CNTNAP1: variants seen among roughly 807,000 people sequenced by gnomAD.
CNTNAP1 encodes contactin associated protein 1.
In CNTNAP1, 80 loss-of-function variants were observed where a neutral mutation model predicts 161.5. The observed-to-expected ratio is 0.50, with a 90% confidence interval of 0.41 to 0.60. CNTNAP1 has a LOEUF of 0.60. Among genes scored for constraint, CNTNAP1 ranks in the 20% least tolerant of loss-of-function variants. The pLI is 0.00. For missense variants in CNTNAP1, 1,464 were observed against 1,854.8 expected, an observed-to-expected ratio of 0.79 and a Z score of 3.87; for synonymous variants, 695 against 733.1, an observed-to-expected ratio of 0.95 and a Z score of 0.84.
intron 18 of CNTNAP1, among the ~76,000 whole-genome samples, chr17:42,694,117 C>G (rs1329359854): frequency 6.6e-6 from 1 of 151,646 alleles, no homozygotes; most frequent in East Asian, 1.9e-4. Flanking sequence ...CCTCAGACTC[C>G]CAAAGTGCTG....
chr17:42,683,171 T>G (rs1314159268), intron 1 of CNTNAP1: 1 of 579,074 alleles, frequency 1.7e-6, no homozygotes, highest in Admixed American at 3.3e-5. Flanking sequence ...TGCCTGGGTT[T>G]GAGGCTAGGG....
intron 18 of CNTNAP1, among the ~76,000 whole-genome samples, chr17:42,694,058 A>C (rs1001304871): frequency 3.3e-5 from 5 of 151,862 alleles, no homozygotes; most frequent in African/African-American, 1.2e-4. Flanking sequence ...ATGGGGTTTC[A>C]CCACATTGGC....
chr17:42,689,992 G>C, intron 11 of CNTNAP1, 96 bp from the exon 12 acceptor site: 1 of 1,419,396 alleles, frequency 7.0e-7, no homozygotes, highest in Non-Finnish European at 9.8e-7. Context: ...GCACCACCCC[G>C]GCCTCCCAAA....
At chr17:42,696,690 C>T (rs559158288) in intron 20 of CNTNAP1, among the ~76,000 whole-genome samples, 10 of 152,164 alleles carry the variant, frequency 6.6e-5, no homozygotes, top group African/African-American at 2.2e-4. Context: ...AAAGCGGTTT[C>T]AGCTACTCAG....
At position 42,682,566 on chromosome 17, in the gene CNTNAP1, A is replaced by AG. The variant is rs1424102998; in HGVS notation, c.-258dup. On this transcript the variant is annotated 5_prime_UTR_variant, in exon 1 of 24. Coordinates refer to ENST00000264638, the MANE Select transcript of CNTNAP1 (RefSeq NM_003632.3). ...CGTGCCAGGAGACAGAGGCTGGGGA[A>AG]GGGGGGAGGTGAGAGGAAAGAGGGT... 2.2e-6 allele frequency: 1 copy of AG among 455,552 alleles called. No individual in the cohort carries two copies. The highest frequency in any genetic ancestry group is 2.1e-5 in the African/African-American group (1 of 47,902). The allele number at this position is 455,552 out of a possible 1,614,324, so 28.2% of individuals were successfully genotyped here. A position where few individuals can be genotyped will look rare whatever the true frequency, so the allele number is the denominator to read the frequency against.
chr17:42,687,177 T>G lies in CNTNAP1; in HGVS notation c.1044+131T>G. The stretch of plus-strand genomic sequence containing the variant: ...CTCTGTCCCCAGCCAGATGCTCAAG[T>G]TGGGAGGGGAGCGGGTCTCACCTGA... On this transcript the variant is annotated intron_variant, in intron 7 of 23. Transcript: ENST00000264638. The surrounding 1 kb of genome is among the most constrained non-coding windows in gnomAD (Gnocchi z 4.7). The G allele has an allele frequency of 7.5e-7, 1 of 1,334,578 alleles. No individual in the cohort carries two copies. Among genetic ancestry groups the G allele is most frequent in the Non-Finnish European group, 1.0e-6 (1 of 983,242 alleles). 82.7% of individuals were successfully genotyped at this position (1,334,578 alleles called of 1,614,324 possible). A position where few individuals can be genotyped will look rare whatever the true frequency, so the allele number is the denominator to read the frequency against.
At position 42,691,389 on chromosome 17, in the gene CNTNAP1, C is replaced by A; in HGVS notation, c.2222C>A (p.Thr741Asn). The change falls in exon 15 of 24, where the codon ACT becomes AAT. Residue 741 changes from threonine (T) to asparagine (N), a missense_variant. Physicochemically the swap from Thr to Asn is moderately conservative, Grantham distance 65. Around this residue, in one of 3 missense-constraint regions of CNTNAP1, gnomAD observed 1,383 missense variants for 1,765.0 expected, o/e 0.78. Transcript: ENST00000264638. This position sits in a 1 kb window ranked among gnomAD's most constrained non-coding sequence, Gnocchi z 4.3. Reference protein sequence around the residue: ...NCDADQPQWRTDKGLLTFVDH... With the variant: ...NCDADQPQWRNDKGLLTFVDH... The stretch of plus-strand genomic sequence containing the variant: ...ATGACATCCTGCCCCCACAGGAGAA[C>A]TGACAAGGGACTGCTGACCTTTGTG... 2.5e-6 allele frequency: 4 copies of A among 1,614,064 alleles called. No individual in the cohort carries two copies. The highest frequency in any genetic ancestry group is 2.2e-5 in the South Asian group (2 of 91,084).
chr17:42,692,141 G>A (rs558005448), intron 16 of CNTNAP1, 150 bp downstream of exon 16: 17 of 852,540 alleles, frequency 2.0e-5, no homozygotes, highest in Non-Finnish European at 2.7e-5. Context: ...GCCCTCACTC[G>A]GTCTTGACGG....
intron 1 of CNTNAP1, chr17:42,683,578 G>T (rs1034960854): frequency 1.4e-6 from 2 of 1,380,258 alleles, no homozygotes; most frequent in South Asian, 1.7e-5. Flanking sequence ...GCTAGGGAGG[G>T]TCTGGCCTTG....
chr17:42,692,209 G>A (rs1370149640), intron 16 of CNTNAP1, among the ~76,000 whole-genome samples: 2 of 152,210 alleles, frequency 1.3e-5, no homozygotes, highest in African/African-American at 4.8e-5. Flanking sequence ...CCCCTTCCTT[G>A]TGCCATAAGG....
chr17:42,692,508 A>G lies in CNTNAP1; in HGVS notation c.2540A>G (p.Asp847Gly). 9.3e-6 allele frequency: 15 copies of G among 1,613,858 alleles called. No individual in the cohort carries two copies. The highest frequency in any genetic ancestry group is 1.3e-5 in the Non-Finnish European group (15 of 1,179,840). ...GCATCACACTGTCCAGCATCCCGGG[A>G]TGTGGTCTTCGCCTTTGATGTGGGG... The part of the protein sequence containing the change: ...YVRVELNTSR[D>G]VVFAFDVGNG... The change falls in exon 17 of 24, where the codon GAT (aspartate) becomes GGT (glycine). Residue 847 changes from aspartate to glycine, a missense_variant. Asp to Gly is a moderately conservative substitution (Grantham distance 94). Around this residue, in one of 3 missense-constraint regions of CNTNAP1, gnomAD observed 1,383 missense variants for 1,765.0 expected, o/e 0.78. Transcript: ENST00000264638.
chr17:42,688,907 C>T lies in CNTNAP1; in HGVS notation c.1488C>T (p.Cys496=). ...GCPKPASRWD[C]HSNQTAFHGC... ...CCAAGCCAGCCAGTCGATGGGACTG[C>T]CACTCCAACCAGACGGCATTCCATG... The change falls in exon 10 of 24, where the codon TGC becomes TGT. Residue 496 remains cysteine, a synonymous_variant. Coordinates refer to ENST00000264638, the MANE Select transcript of CNTNAP1 (RefSeq NM_003632.3). The T allele has an allele frequency of 6.2e-7, 1 of 1,613,804 alleles. No homozygotes were observed. The highest frequency in any genetic ancestry group is 1.1e-5 in the South Asian group (1 of 91,050).
rs367958681 is a variant in CNTNAP1 at position 42,687,860 on chromosome 17, C to T, written c.1185C>T (p.Thr395=). 3.0e-5 allele frequency: 49 copies of T among 1,614,114 alleles called. No individual in the cohort carries two copies. The highest frequency in any genetic ancestry group is 4.1e-5 in the Non-Finnish European group (48 of 1,180,040). Residue 395 remains threonine (T), a synonymous_variant, in exon 8 of 24, where the codon ACC becomes ACT. Coordinates refer to ENST00000264638, the MANE Select transcript of CNTNAP1 (RefSeq NM_003632.3). The surrounding 1 kb of genome is among the most constrained non-coding windows in gnomAD (Gnocchi z 4.7). ...TTCGCTTCCGCACCTGGGACCTCAC[C>T]GGGCTTCTCCTTTTCTCCCGTCTGG... ...VSFRFRTWDL[T]GLLLFSRLGD...
intron 3 of CNTNAP1, among the ~76,000 whole-genome samples, 165 bp from the exon 4 acceptor site, chr17:42,684,826 T>A (rs2052983019): frequency 6.6e-6 from 1 of 151,886 alleles, no homozygotes; most frequent in Non-Finnish European, 1.5e-5. Flanking sequence ...CTTGGGAGGC[T>A]GAGGAAGAGA....
rs765414012 is a variant in CNTNAP1 at position 42,684,138 on chromosome 17, T to G, written c.272T>G (p.Phe91Cys). 1.9e-6 allele frequency: 3 copies of G among 1,614,184 alleles called. No homozygotes were observed. In the South Asian group the frequency reaches 3.3e-5, roughly 18 times the overall value. The change falls in exon 3 of 24, where the codon TTT (phenylalanine) becomes TGT (cysteine). Residue 91 changes from phenylalanine to cysteine, a missense_variant. This residue lies in a region of CNTNAP1 where 1,383 missense variants were observed against 1,765.0 expected (regional missense o/e 0.78). Coordinates refer to ENST00000264638, the MANE Select transcript of CNTNAP1 (RefSeq NM_003632.3). ...RIRAVATQGS[F>C]NSWDWVTRYM... is the part of the protein sequence containing the mutation. ...CGGGCCGTGGCCACACAGGGCTCCT[T>G]TAATTCTTGGGACTGGGTCACACGT...
chr17:42,683,321 G>T, intron 1 of CNTNAP1: 1 of 1,087,134 alleles, frequency 9.2e-7, no homozygotes, highest in Non-Finnish European at 1.1e-6. Context: ...TTTGTGGCAG[G>T]GATCCAAGCA....
Position 42,695,793 on chromosome 17 carries a change from A to G in CNTNAP1, c.3265A>G (p.Ser1089Gly). Residue 1089 changes from serine (S) to glycine (G), a missense_variant, in exon 19 of 24, where the codon AGC becomes GGC. Physicochemically the swap from Ser to Gly is moderately conservative, Grantham distance 56. This residue lies in a region of CNTNAP1 where 1,383 missense variants were observed against 1,765.0 expected (regional missense o/e 0.78). Transcript: ENST00000264638. ...GGGAGAGGAGGTCTCCTTCAGCTTC[A>G]GCACCAGCTCCGCCCCTGCTGTCCT... is the stretch of plus-strand genomic sequence containing the variant. Reference protein sequence around the residue: ...VTGEEVSFSFSTSSAPAVLLY... With the variant: ...VTGEEVSFSFGTSSAPAVLLY... 2 of 1,614,206 alleles carry G rather than the reference A, an allele frequency of 1.2e-6. No homozygotes were observed. Among genetic ancestry groups the G allele is most frequent in the Non-Finnish European group, 1.7e-6 (2 of 1,180,032 alleles).
Position 42,697,805 on chromosome 17 carries a change from T to C in CNTNAP1, c.3814+6T>C. ...TCCCTGGTATCTGCCCCCAGGTACA[T>C]TCCCAGGACACAGAGGACAGAAGGG... On this transcript the variant is annotated splice_donor_region_variant and intron_variant, in intron 22 of 23. Coordinates refer to ENST00000264638, the MANE Select transcript of CNTNAP1 (RefSeq NM_003632.3). 1.2e-6 allele frequency: 2 copies of C among 1,614,140 alleles called. No homozygotes were observed. The highest frequency in any genetic ancestry group is 1.7e-6 in the Non-Finnish European group (2 of 1,180,018).
At position 42,689,489 on chromosome 17, in the gene CNTNAP1, G is replaced by C. The variant is rs749069478; in HGVS notation, c.1629-32G>C. ...ACCCCACTCTCCAGCTCCCAGTAAGGCTCCTTCCCTTGGTCCTGACCCCTT... is the reference window on the plus strand; with the variant it reads ...ACCCCACTCTCCAGCTCCCAGTAAGCCTCCTTCCCTTGGTCCTGACCCCTT... On this transcript the variant is annotated intron_variant, in intron 10 of 23. Coordinates refer to ENST00000264638, the MANE Select transcript of CNTNAP1 (RefSeq NM_003632.3). 4.5e-6 allele frequency: 7 copies of C among 1,559,866 alleles called. No homozygotes were observed. In the East Asian group the frequency reaches 6.7e-5, roughly 15 times the overall value.
Sources: allele counts gnomAD v4.1 joint callset (sites outside exome capture counted in the v4.1 genomes callset), GRCh38; gene constraint gnomAD v4.1.1; regional missense constraint gnomAD v4.1.1; non-coding constraint Gnocchi (gnomAD v3.1); transcripts MANE v1.5; gene names NCBI Gene and HGNC (gene_info 2026-07-23, HGNC 2026-07-21).